The following ICE2 variants were observed in gnomAD, a reference collection of about 807,000 sequenced individuals.
ICE2 encodes interactor of little elongation complex ELL subunit 2.
Under a neutral mutation model 105.4 loss-of-function variants are expected in ICE2, and 87 were observed. The observed-to-expected ratio is 0.83, with a 90% CI of 0.69 to 0.99. ICE2 has a LOEUF of 0.99. Among genes scored for constraint, ICE2 ranks in the 50% least tolerant of loss-of-function variants. ICE2 has a pLI of 0.00. For synonymous variants in ICE2, 399 were observed against 392.0 expected (o/e 1.02, Z -0.21); for missense variants, 1,323 against 1,146.7 (o/e 1.15, Z -2.22).
Position 60,420,343 on chromosome 15 carries a change from C to T in ICE2, c.*3291G>A, listed in dbSNP as rs1393842306. 1 of 151,820 alleles carries T rather than the reference C, an allele frequency of 6.6e-6. No homozygotes were observed. Among genetic ancestry groups the T allele is most frequent in the Non-Finnish European group, 1.5e-5 (1 of 67,990 alleles). 9.4% of individuals were successfully genotyped at this position (151,820 alleles called of 1,614,324 possible). A position where few individuals can be genotyped will look rare whatever the true frequency, so the allele number is the denominator to read the frequency against. On this transcript the variant is annotated 3_prime_UTR_variant, in exon 16 of 16. Coordinates refer to ENST00000261520, the MANE Select transcript of ICE2 (RefSeq NM_024611.6). The stretch of plus-strand genomic sequence containing the variant: ...CCTTATACATCACTTGAGCCCACTC[C>T]TATTCTTGCTGCTTTAATTCTGGGC...
intron 11 of ICE2, chr15:60,442,839 G>A (rs896290303): frequency 1.4e-5 from 3 of 207,872 alleles, no homozygotes; most frequent in Non-Finnish European, 2.8e-5. Flanking sequence ...CAGGGAATGT[G>A]ACTGACAGCA....
intron 8 of ICE2, among the ~76,000 whole-genome samples, chr15:60,454,235 A>G (rs2064039818): frequency 6.6e-6 from 1 of 152,250 alleles, no homozygotes; most frequent in Admixed American, 6.5e-5. Context: ...TCAAAACAGT[A>G]TGGACATAAT....
At chr15:60,455,914 G>C (rs965578099) in intron 6 of ICE2, among the ~76,000 whole-genome samples, 1 of 152,040 alleles carries the variant, frequency 6.6e-6, no homozygotes, top group African/African-American at 2.4e-5. Context: ...CATCATACCA[G>C]GCCAGTTTCA....
intron 5 of ICE2, among the ~76,000 whole-genome samples, chr15:60,460,289 G>C (rs2141112546): frequency 6.6e-6 from 1 of 152,336 alleles, no homozygotes; most frequent in African/African-American, 2.4e-5. Flanking sequence ...CTGAGGTCAG[G>C]AGTTCGAGGC....
Position 60,421,395 on chromosome 15 carries a change from A to T in ICE2, c.*2239T>A, listed in dbSNP as rs2063241429. The stretch of plus-strand genomic sequence containing the variant: ...TATTGTCAGTTACTTCTTGGCTTAT[A>T]AATTCTCAGTACTAAAAATCAAGAA... On this transcript the variant is annotated 3_prime_UTR_variant, in exon 16 of 16. Coordinates refer to ENST00000261520, the MANE Select transcript of ICE2 (RefSeq NM_024611.6). The T allele has an allele frequency of 6.6e-6, 1 of 152,150 alleles. No individual in the cohort carries two copies. Among genetic ancestry groups the T allele is most frequent in the Admixed American group, 6.5e-5 (1 of 15,280 alleles). 9.4% of individuals were successfully genotyped at this position (152,150 alleles called of 1,614,324 possible).
At chr15:60,455,563 C>A in intron 6 of ICE2, 121 bp from the exon 7 acceptor site, 1 of 654,364 alleles carries the variant, frequency 1.5e-6, no homozygotes, top group East Asian at 2.8e-5. Flanking sequence ...ATGTAAACAT[C>A]AGATTTAGAA....
At chr15:60,437,470 T>C (rs947032019) in intron 12 of ICE2, among the ~76,000 whole-genome samples, 1 of 151,150 alleles carries the variant, frequency 6.6e-6, no homozygotes, top group Non-Finnish European at 1.5e-5. Context: ...TAGATGGGAT[T>C]ACAGGTGCCC....
Position 60,476,102 on chromosome 15 carries a change from A to G in ICE2, c.107T>C (p.Met36Thr). ...ACGTAGTTCTTTTAAACTTGGAGCC[A>G]TGGAATGATCTTTATAATTTTCTCG... ...FSRENYKDHSMAPSLKELRVL... is the reference protein window; with the variant it reads ...FSRENYKDHSTAPSLKELRVL... Residue 36 changes from methionine (M) to threonine (T), a missense_variant, in exon 3 of 16, where the codon ATG becomes ACG. Coordinates refer to ENST00000261520, the MANE Select transcript of ICE2 (RefSeq NM_024611.6). The G allele has an allele frequency of 6.2e-7, 1 of 1,608,862 alleles. No individual in the cohort carries two copies. The highest frequency in any genetic ancestry group is 8.5e-7 in the Non-Finnish European group (1 of 1,177,960).
intron 11 of ICE2, among the ~76,000 whole-genome samples, chr15:60,446,497 G>A (rs369929114): frequency 6.6e-6 from 1 of 152,154 alleles, no homozygotes; most frequent in Non-Finnish European, 1.5e-5. Context: ...CCAGGTTCAC[G>A]CCATTCTCCA....
chr15:60,447,831 A>C, intron 11 of ICE2, 139 bp downstream of exon 11: 4 of 663,144 alleles, frequency 6.0e-6, no homozygotes, highest in Non-Finnish European at 1.0e-5. Context: ...ATTTTAGTAA[A>C]AACAAAAAAC....
At chr15:60,431,810 A>G (rs146081505) in intron 14 of ICE2, 124 bp downstream of exon 14, 6 of 535,472 alleles carry the variant, frequency 1.1e-5, no homozygotes, top group Non-Finnish European at 2.0e-5. Context: ...TACATTTGAC[A>G]TAATAATTTT....
intron 2 of ICE2, 64 bp downstream of exon 2, chr15:60,477,873 C>A (rs1443933130): frequency 1.5e-6 from 2 of 1,358,696 alleles, no homozygotes; most frequent in Non-Finnish European, 2.1e-6. Flanking sequence ...AATCTATTTT[C>A]TTATGTCAAC....
intron 13 of ICE2, 85 bp from the exon 14 acceptor site, chr15:60,432,069 C>T: frequency 1.5e-6 from 1 of 647,766 alleles, no homozygotes; most frequent in Non-Finnish European, 2.7e-6. Context: ...GAGAAATGCC[C>T]TCAATAACAA....
Position 60,448,873 on chromosome 15 carries a change from A to C in ICE2, c.2094T>G (p.Pro698=). ...GTCCTTTTGGCTTCTGAAATGCAGA[A>C]GGCCATCCAGATTTCGGCCAACTAG... is the stretch of plus-strand genomic sequence containing the variant. The part of the protein sequence containing the change: ...DSSSWPKSGW[P]SAFQKPKGRL... The change falls in exon 10 of 16, where the codon CCT becomes CCG. Residue 698 remains proline, a synonymous_variant. Coordinates refer to ENST00000261520, the MANE Select transcript of ICE2 (RefSeq NM_024611.6). 1 of 1,596,496 alleles carries C rather than the reference A, an allele frequency of 6.3e-7. No individual in the cohort carries two copies. The highest frequency in any genetic ancestry group is 1.1e-5 in the South Asian group (1 of 87,390).
chr15:60,456,506 T>C, intron 6 of ICE2, 151 bp downstream of exon 6: 1 of 151,852 alleles, frequency 6.6e-6, no homozygotes, highest in South Asian at 2.3e-4. Context: ...ATCATGCCAT[T>C]ACACGCCAGG....
intron 2 of ICE2, among the ~76,000 whole-genome samples, chr15:60,476,658 T>C (rs184457750): frequency 2.6e-5 from 4 of 152,364 alleles, no homozygotes; most frequent in Admixed American, 2.0e-4. Flanking sequence ...ATGGGATAAC[T>C]GGTTTGCTAA....
intron 12 of ICE2, chr15:60,437,966 T>C (rs1049546466): frequency 1.3e-5 from 2 of 152,128 alleles, no homozygotes; most frequent in Admixed American, 6.5e-5. Flanking sequence ...CCGGCTCCGA[T>C]TCTTACTTTT....
chr15:60,457,731 A>G (rs1045636309), intron 5 of ICE2, among the ~76,000 whole-genome samples: 26 of 152,226 alleles, frequency 1.7e-4, no homozygotes, highest in African/African-American at 4.3e-4. Context: ...CTCTTCATCT[A>G]TGCTTTTCAT....
intron 9 of ICE2, among the ~76,000 whole-genome samples, chr15:60,450,281 A>G (rs1449480194): frequency 6.6e-6 from 1 of 152,198 alleles, no homozygotes; most frequent in Non-Finnish European, 1.5e-5. Context: ...CTGCTTTTTA[A>G]TGCGTCCAGA....
Sources: allele counts gnomAD v4.1 joint callset (sites outside exome capture counted in the v4.1 genomes callset), GRCh38; gene constraint gnomAD v4.1.1; transcripts MANE v1.5; gene names NCBI Gene and HGNC (gene_info 2026-07-23, HGNC 2026-07-21).